Variants in FBXL20 observed in about 807,000 individuals in gnomAD.
FBXL20 encodes the protein F-box and leucine rich repeat protein 20, also known as F-box/LRR-repeat protein 20.
A neutral mutation model predicts 64.0 loss-of-function variants in FBXL20; 11 were observed. That is an observed-to-expected ratio of 0.17 (90% CI 0.11 to 0.28). The LOEUF is 0.28. Ranked by LOEUF, FBXL20 falls within the 10% of genes least tolerant of loss-of-function variation. The probability of loss-of-function intolerance (pLI) is 1.00; values close to 1 mark genes in which losing one functional copy is unlikely to be tolerated. For synonymous variants in FBXL20, 184 were observed against 189.0 expected (o/e 0.97, Z 0.22); for missense variants, 303 against 526.2 (o/e 0.58, Z 4.15).
At position 39,340,614 on chromosome 17, in the gene FBXL20, G is replaced by A. The variant is rs541908964; in HGVS notation, c.104+2566C>T. ...GATGTTAATATTAATTGAGAAAGCTGGAGTATAAATTCTCTATCCTATTTT... is the reference window on the plus strand; with the variant it reads ...GATGTTAATATTAATTGAGAAAGCTAGAGTATAAATTCTCTATCCTATTTT... On this transcript the variant is annotated intron_variant, in intron 2 of 14. Coordinates refer to ENST00000264658, the MANE Select transcript of FBXL20 (RefSeq NM_032875.3). Among the ~76,000 whole-genome samples, 10 of 152,084 alleles carry A rather than the reference G, an allele frequency of 6.6e-5. No homozygotes were observed. In the East Asian group the frequency reaches 1.9e-3, roughly 29 times the overall value.
At chr17:39,339,652 C>G (rs2047562668) in intron 2 of FBXL20, among the ~76,000 whole-genome samples, 1 of 131,116 alleles carries the variant, frequency 7.6e-6, no homozygotes, top group African/African-American at 3.7e-5. Context: ...GATTAGTTCA[C>G]AGAACTTTTT....
chr17:39,390,878 C>G (rs2048127377), intron 1 of FBXL20, among the ~76,000 whole-genome samples: 3 of 151,852 alleles, frequency 2.0e-5, no homozygotes, highest in Non-Finnish European at 4.4e-5. Context: ...AAAACCCTGT[C>G]TCTACTAAAA....
At chr17:39,309,838 A>G (rs1225879437) in intron 2 of FBXL20, among the ~76,000 whole-genome samples, 9 of 151,564 alleles carry the variant, frequency 5.9e-5, no homozygotes, top group African/African-American at 2.4e-5. Context: ...GAAAGAAAAA[A>G]AAGAAGAAGA....
chr17:39,269,048 C>A (rs981550897), intron 11 of FBXL20, among the ~76,000 whole-genome samples, 177 bp from the exon 12 acceptor site: 1 of 152,080 alleles, frequency 6.6e-6, no homozygotes, highest in Non-Finnish European at 1.5e-5. Context: ...CTCACTCTGT[C>A]ACCCAGGTTG....
At chr17:39,378,871 A>G (rs2047995743) in intron 1 of FBXL20, among the ~76,000 whole-genome samples, 3 of 151,032 alleles carry the variant, frequency 2.0e-5, no homozygotes, top group African/African-American at 2.4e-5. Context: ...TCGGCCTCTC[A>G]AAGTGCTGGG....
intron 1 of FBXL20, among the ~76,000 whole-genome samples, chr17:39,362,687 C>G (rs371655153): frequency 4.7e-5 from 7 of 147,860 alleles, no homozygotes; most frequent in African/African-American, 1.8e-4. Context: ...AGTGCGACCT[C>G]GGCTCACTGC....
chr17:39,370,572 G>C (rs1375080315), intron 1 of FBXL20, among the ~76,000 whole-genome samples: 1 of 150,420 alleles, frequency 6.6e-6, no homozygotes, highest in Non-Finnish European at 1.5e-5. Flanking sequence ...GGATCACAAG[G>C]TCAGGAGATC....
At chr17:39,321,391 A>G (rs8067948) in intron 2 of FBXL20, among the ~76,000 whole-genome samples, 55,389 of 150,084 alleles carry the variant, frequency 0.37, 12,865 homozygotes, top group African/African-American at 0.66. Context: ...AGTTGAACCC[A>G]GGAGTTGGAG....
intron 1 of FBXL20, among the ~76,000 whole-genome samples, chr17:39,344,756 C>T (rs2047616812): frequency 6.6e-6 from 1 of 152,166 alleles, no homozygotes; most frequent in African/African-American, 2.4e-5. Flanking sequence ...CGCCCCTACA[C>T]CCCAGCCTGG....
At chr17:39,329,614 T>A (rs1018637180) in intron 2 of FBXL20, among the ~76,000 whole-genome samples, 2 of 152,170 alleles carry the variant, frequency 1.3e-5, no homozygotes, top group African/African-American at 4.8e-5. Flanking sequence ...TATGTATATA[T>A]AATGTTTTTG....
At chr17:39,372,983 A>C (rs1421431186) in intron 1 of FBXL20, among the ~76,000 whole-genome samples, 3 of 152,118 alleles carry the variant, frequency 2.0e-5, no homozygotes, top group Non-Finnish European at 4.4e-5. Context: ...TGCTTGATTA[A>C]ATTAGACTAC....
chr17:39,295,082 CAA>C (rs2047072756), intron 6 of FBXL20, among the ~76,000 whole-genome samples: 1 of 151,874 alleles, frequency 6.6e-6, no homozygotes, highest in African/African-American at 2.4e-5. Context: ...TAAGATAAAA[CAA>C]GAGGGGATAA....
rs2046815097 is a variant in FBXL20 at position 39,268,851 on chromosome 17, C to A, written c.909G>T (p.Lys303Asn). The A allele has an allele frequency of 6.2e-7, 1 of 1,613,782 alleles. No homozygotes were observed. Among genetic ancestry groups the A allele is most frequent in the Admixed American group, 1.7e-5 (1 of 59,992 alleles). ...CCTGAACACACTCTTCCAGGTCCAT[C>A]TTTTCAAGTTCATGGCAATTCTACA... ...TLARNCHELE[K>N]MDLEECVQIT... The change falls in exon 12 of 15, where the codon AAG (lysine) becomes AAT (asparagine). Residue 303 changes from lysine (K) to asparagine (N), a missense_variant. Physicochemically the swap from Lys to Asn is moderately conservative, Grantham distance 94. Around this residue, in one of 3 missense-constraint regions of FBXL20, gnomAD observed 246 missense variants for 422.6 expected, o/e 0.58. Coordinates refer to ENST00000264658, the MANE Select transcript of FBXL20 (RefSeq NM_032875.3).
intron 9 of FBXL20, among the ~76,000 whole-genome samples, chr17:39,281,103 AT>A (rs2046946419): frequency 6.6e-6 from 1 of 152,194 alleles, no homozygotes; most frequent in Admixed American, 6.5e-5. Context: ...AATCATTTAC[AT>A]TTTAAAAGTA....
At chr17:39,380,931 C>T (rs1339469858) in intron 1 of FBXL20, among the ~76,000 whole-genome samples, 2 of 151,376 alleles carry the variant, frequency 1.3e-5, no homozygotes, top group African/African-American at 2.4e-5. Context: ...AAGCAGAGGC[C>T]GGTGGATTGC....
chr17:39,273,509 T>G (rs2046864854), intron 10 of FBXL20, among the ~76,000 whole-genome samples: 1 of 152,276 alleles, frequency 6.6e-6, no homozygotes, highest in South Asian at 2.1e-4. Flanking sequence ...TGTCTCTTTG[T>G]GCTTCAGTTT....
At chr17:39,308,424 G>T (rs185340113) in intron 2 of FBXL20, among the ~76,000 whole-genome samples, 2 of 151,944 alleles carry the variant, frequency 1.3e-5, no homozygotes, top group African/African-American at 4.8e-5. Context: ...GAGCTCAGGA[G>T]TAAGTGGCTG....
At chr17:39,384,697 C>T (rs973517201) in intron 1 of FBXL20, among the ~76,000 whole-genome samples, 5 of 152,174 alleles carry the variant, frequency 3.3e-5, no homozygotes, top group African/African-American at 1.2e-4. Context: ...TGGCTCACGC[C>T]TATAATCCCA....
rs928500610 is a variant in FBXL20, at chr17:39,401,617, G to A, written c.-215C>T. 2 of 1,399,780 alleles carry A rather than the reference G, an allele frequency of 1.4e-6. No homozygotes were observed. The highest frequency in any genetic ancestry group is 1.6e-5 in the South Asian group (1 of 63,682). The allele number at this position is 1,399,780 out of a possible 1,614,324, so 86.7% of individuals were successfully genotyped here. ...CGCAACGACTGCTCGTCGCTAGCTCGGCTCTCTCCTCAGCCTCAACTTCAA... is the reference window on the plus strand; with the variant it reads ...CGCAACGACTGCTCGTCGCTAGCTCAGCTCTCTCCTCAGCCTCAACTTCAA... On this transcript the variant is annotated 5_prime_UTR_variant, in exon 1 of 15. Coordinates refer to ENST00000264658, the MANE Select transcript of FBXL20 (RefSeq NM_032875.3).
Sources: gnomAD v4.1 joint callset for allele counts (sites outside exome capture counted in the v4.1 genomes callset) on GRCh38, gnomAD v4.1.1 for gene constraint, gnomAD v4.1.1 regional missense constraint, MANE v1.5 for transcripts, NCBI Gene and HGNC (gene_info 2026-07-23, HGNC 2026-07-21) for gene names.